Variants in SKA2 observed in about 807,000 individuals in gnomAD.
SKA2 encodes the protein spindle and kinetochore-associated protein 2.
SKA2 carries 13 observed loss-of-function variants against 16.9 expected under a neutral mutation model. The ratio of observed to expected loss-of-function variants is 0.77; its 90% CI spans 0.50 to 1.22. SKA2 has a LOEUF of 1.22. SKA2 is among the 50% of genes most tolerant of loss of function. SKA2 has a pLI of 0.00. For missense variants in SKA2, 107 were observed against 139.7 expected, an observed-to-expected ratio of 0.77 and a Z score of 1.18; for synonymous variants, 47 against 48.5, an observed-to-expected ratio of 0.97 and a Z score of 0.13.
chr17:59,146,121 T>C (rs578168474), intron 1 of SKA2, among the ~76,000 whole-genome samples: 1 of 152,280 alleles, frequency 6.6e-6, no homozygotes, highest in East Asian at 1.9e-4. Flanking sequence ...AAAAATGTCT[T>C]AAAAAGTTAT....
chr17:59,141,442 G>A lies in SKA2; in HGVS notation c.34-10075C>T, dbSNP rs552201455. The stretch of plus-strand genomic sequence containing the variant: ...AAATTGTGTAACTCAAATGACAGCC[G>A]CGGCTGTGCACAGTGGCTCAGGCCT... On this transcript the variant is annotated intron_variant, in intron 1 of 3. Transcript: ENST00000330137. 1.4e-4 allele frequency among the ~76,000 whole-genome samples: 21 copies of A among 151,220 alleles called. 1 individual carries two copies. The East Asian group carries it at 3.7e-3, about 27-fold the overall frequency.
intron 1 of SKA2, among the ~76,000 whole-genome samples, chr17:59,143,782 A>G (rs1412335523): frequency 6.6e-6 from 1 of 152,170 alleles, no homozygotes; most frequent in Non-Finnish European, 1.5e-5. Flanking sequence ...CCAAAACTTT[A>G]ACTGGATGTT....
chr17:59,144,346 G>C (rs1435835270), intron 1 of SKA2, among the ~76,000 whole-genome samples: 1 of 151,900 alleles, frequency 6.6e-6, no homozygotes, highest in African/African-American at 2.4e-5. Context: ...GTGGAAAACA[G>C]TATGGTGGCT....
intron 2 of SKA2, among the ~76,000 whole-genome samples, chr17:59,128,394 G>A (rs1006495570): frequency 2.6e-5 from 4 of 151,972 alleles, no homozygotes; most frequent in African/African-American, 9.7e-5. Flanking sequence ...GGAGGCCGAG[G>A]AGGGTGGATC....
intron 1 of SKA2, among the ~76,000 whole-genome samples, chr17:59,150,468 G>A (rs1313798239): frequency 6.6e-6 from 1 of 152,142 alleles, no homozygotes; most frequent in Non-Finnish European, 1.5e-5. Flanking sequence ...TAGGCACAGT[G>A]GCTCACACCT....
intron 1 of SKA2, chr17:59,137,697 T>C: frequency 2.1e-6 from 1 of 487,000 alleles, no homozygotes; most frequent in South Asian, 1.7e-5. Flanking sequence ...TAGTGAAATC[T>C]AGTTCCTTGT....
chr17:59,113,841 G>A (rs1283296729), intron 3 of SKA2, among the ~76,000 whole-genome samples: 1 of 150,548 alleles, frequency 6.6e-6, no homozygotes, highest in African/African-American at 2.4e-5. Context: ...AAAAAAAAAA[G>A]ATAAAGGAAA....
intron 1 of SKA2, among the ~76,000 whole-genome samples, chr17:59,151,488 G>T (rs1774069087): frequency 6.6e-6 from 1 of 152,094 alleles, no homozygotes; most frequent in South Asian, 2.1e-4. Flanking sequence ...ATAGTAATTA[G>T]AATGGGTATT....
At chr17:59,129,292 T>G (rs2046393341) in intron 2 of SKA2, 1 of 150,810 alleles carries the variant, frequency 6.6e-6, no homozygotes, top group Admixed American at 6.7e-5. Flanking sequence ...AAGGCTGAAG[T>G]GAGCTGAGAT....
At chr17:59,142,151 T>C (rs562867421) in intron 1 of SKA2, among the ~76,000 whole-genome samples, 10 of 152,190 alleles carry the variant, frequency 6.6e-5, no homozygotes, top group African/African-American at 2.4e-4. Flanking sequence ...AGTGAAGAAA[T>C]GGGGTGAATT....
rs763513482 is a variant in SKA2 at position 59,119,448 on chromosome 17, T to C, written c.168A>G (p.Arg56=). The C allele has an allele frequency of 3.7e-6, 6 of 1,613,928 alleles. No individual in the cohort carries two copies. The highest frequency in any genetic ancestry group is 4.2e-6 in the Non-Finnish European group (5 of 1,179,900). ...TAAAGCGGGCATACAAAGTTTGATA[T>C]CGAGACTTTATCACTGACAATTCCT... ...LLKELSVIKS[R]YQTLYARFKP... is the part of the protein sequence containing the mutation. The change falls in exon 3 of 4, where the codon CGA becomes CGG. Residue 56 remains arginine (R), a synonymous_variant. Transcript: ENST00000330137.
At chr17:59,135,310 CT>C (rs71145527) in intron 1 of SKA2, among the ~76,000 whole-genome samples, 1,948 of 125,542 alleles carry the variant, frequency 0.016, 31 homozygotes, top group African/African-American at 0.049. Context: ...ACTAAACTGT[CT>C]TTTTTTTTTT....
chr17:59,140,771 C>T (rs560344040), intron 1 of SKA2, among the ~76,000 whole-genome samples: 31 of 138,030 alleles, frequency 2.2e-4, no homozygotes, highest in Admixed American at 4.3e-4. Flanking sequence ...CCACCACACC[C>T]GCCTAATTTT....
intron 2 of SKA2, among the ~76,000 whole-genome samples, chr17:59,129,027 G>A (rs755921566): frequency 6.6e-6 from 1 of 152,096 alleles, no homozygotes; most frequent in Non-Finnish European, 1.5e-5. Flanking sequence ...AGCACTACAC[G>A]TCAATGTCTT....
intron 1 of SKA2, among the ~76,000 whole-genome samples, chr17:59,134,325 A>G (rs1285023617): frequency 6.6e-6 from 1 of 152,216 alleles, no homozygotes; most frequent in Non-Finnish European, 1.5e-5. Context: ...AATGAGTTAT[A>G]TAACATTCTT....
Position 59,119,478 on chromosome 17 carries a change from G to A in SKA2, c.138C>T (p.Leu46=), listed in dbSNP as rs1407619173. The A allele has an allele frequency of 6.2e-7, 1 of 1,613,190 alleles. No homozygotes were observed. Among genetic ancestry groups the A allele is most frequent in the South Asian group, 1.1e-5 (1 of 90,670 alleles). Residue 46 remains leucine (L), a synonymous_variant, in exon 3 of 4, where the codon CTC becomes CTT. Transcript: ENST00000330137. ...DSASEKNPVT[L]LKELSVIKSR... ...ACTTTATCACTGACAATTCCTTTAA[G>A]AGTGTAACTGGATTTTTCTATGTCA...
chr17:59,126,844 C>T (rs988988085), intron 2 of SKA2, among the ~76,000 whole-genome samples: 1 of 152,036 alleles, frequency 6.6e-6, no homozygotes, highest in South Asian at 2.1e-4. Context: ...TTCACAGTAG[C>T]CAAAAGGTGA....
chr17:59,142,722 T>A lies in SKA2; in HGVS notation c.34-11355A>T, dbSNP rs141781024. On this transcript the variant is annotated intron_variant, in intron 1 of 3. Coordinates refer to ENST00000330137, the MANE Select transcript of SKA2 (RefSeq NM_182620.4). Reference sequence around the variant, plus strand: ...TGGGTGGATCACCTGAGGTCAGAGGTTCAAGGCCAGCTTGACCAACATGGT... The same window carrying A: ...TGGGTGGATCACCTGAGGTCAGAGGATCAAGGCCAGCTTGACCAACATGGT... 2.1e-3 allele frequency among the ~76,000 whole-genome samples: 308 copies of A among 149,956 alleles called. 2 individuals are homozygous for A. The highest frequency in any genetic ancestry group is 0.017 in the Middle Eastern group (5 of 288).
intron 2 of SKA2, among the ~76,000 whole-genome samples, chr17:59,128,555 G>A (rs553169663): frequency 7.2e-5 from 11 of 152,034 alleles, no homozygotes; most frequent in Admixed American, 2.6e-4. Flanking sequence ...GAACTCGGAA[G>A]GCGGAGGTTG....
Sources: gnomAD v4.1 joint callset for allele counts (sites outside exome capture counted in the v4.1 genomes callset) on GRCh38, gnomAD v4.1.1 for gene constraint, MANE v1.5 for transcripts, NCBI Gene and HGNC (gene_info 2026-07-23, HGNC 2026-07-21) for gene names.